Variants in GLMN observed in about 807,000 individuals in gnomAD.
GLMN encodes the protein glomulin.
GLMN carries 75 observed loss-of-function variants against 87.8 expected under a neutral mutation model. The observed-to-expected ratio is 0.85, with a 90% CI of 0.71 to 1.04. The LOEUF is 1.04. GLMN is among the 50% of genes least tolerant of loss of function. The pLI is 0.00. For missense variants in GLMN, 588 were observed against 658.8 expected (o/e 0.89, Z 1.18); for synonymous variants, 206 against 221.6 (o/e 0.93, Z 0.63).
At chr1:92,249,284 G>C (rs994003991) in intron 16 of GLMN, among the ~76,000 whole-genome samples, 1 of 82,086 alleles carries the variant, frequency 1.2e-5, no homozygotes, top group Non-Finnish European at 2.6e-5. Context: ...TTTTTTTTTT[G>C]CTTCTTTATG....
Position 92,247,216 on chromosome 1 carries a change from A to C in GLMN, c.1586-72T>G, listed in dbSNP as rs1652807570. On this transcript the variant is annotated intron_variant, in intron 17 of 18. Coordinates refer to ENST00000370360, the MANE Select transcript of GLMN (RefSeq NM_053274.3). ...AATAACAAAGGTATAAGCTACTTTC[A>C]TTCACTAACTTAAAACATGTCAGTT... The C allele has an allele frequency of 1.8e-5, 14 of 796,628 alleles. No homozygotes were observed. In the South Asian group the frequency reaches 1.9e-4, roughly 11 times the overall value. 49.3% of individuals were successfully genotyped at this position (796,628 alleles called of 1,614,324 possible).
chr1:92,295,383 T>C (rs1028096783), intron 3 of GLMN, among the ~76,000 whole-genome samples: 2 of 150,592 alleles, frequency 1.3e-5, no homozygotes, highest in Non-Finnish European at 3.0e-5. Context: ...CTCACAGATA[T>C]GTGTCTCAGA....
chr1:92,286,998 C>A (rs1293478140), intron 6 of GLMN, among the ~76,000 whole-genome samples: 1 of 152,306 alleles, frequency 6.6e-6, no homozygotes, highest in Non-Finnish European at 1.5e-5. Flanking sequence ...TATATCAGCA[C>A]AAATGGATTA....
the GLMN span, chr1:92,333,369 T>C: frequency 1.9e-6 from 3 of 1,580,890 alleles, no homozygotes; most frequent in Non-Finnish European, 2.6e-6. Context: ...TCTGTTTTGC[T>C]TTGTTTAAAA....
the GLMN span, among the ~76,000 whole-genome samples, chr1:92,341,586 G>A: frequency 1.3e-5 from 2 of 152,190 alleles, no homozygotes; most frequent in African/African-American, 4.8e-5. Flanking sequence ...TTTGGTGAAT[G>A]TATAAGTGAA....
intron 3 of GLMN, among the ~76,000 whole-genome samples, chr1:92,295,863 C>G (rs1429187012): frequency 6.6e-6 from 1 of 152,062 alleles, no homozygotes; most frequent in East Asian, 1.9e-4. Context: ...TGTAAACATG[C>G]AATAAATATT....
At chr1:92,304,033 C>T in the GLMN span, 1 of 1,613,176 alleles carries the variant, frequency 6.2e-7, no homozygotes, top group Admixed American at 1.7e-5. Context: ...GTTCTATTGT[C>T]AAACTCTGTG....
intron 15 of GLMN, 102 bp downstream of exon 15, chr1:92,263,521 A>T (rs1488836448): frequency 2.6e-6 from 2 of 770,026 alleles, no homozygotes; most frequent in African/African-American, 3.4e-5. Context: ...CATAGATCAT[A>T]AAATCACAGG....
rs549151077 is a variant in GLMN, at chr1:92,273,596, C to T, written c.736-1944G>A. 1.3e-4 allele frequency among the ~76,000 whole-genome samples: 20 copies of T among 151,822 alleles called. 1 individual carries two copies. The highest frequency in any genetic ancestry group is 1.8e-4 in the Non-Finnish European group (12 of 67,962). ...GAGTAGCTAGGACTACTGGTACATG[C>T]CACCATGCCCGCTATTTTTTTTTTA... On this transcript the variant is annotated intron_variant, in intron 7 of 18. Transcript: ENST00000370360.
At chr1:92,256,497 A>G (rs1654275116) in intron 16 of GLMN, among the ~76,000 whole-genome samples, 2 of 152,200 alleles carry the variant, frequency 1.3e-5, no homozygotes, top group African/African-American at 4.8e-5. Flanking sequence ...TCAATGCAAA[A>G]ATCCTTAATA....
chr1:92,301,575 G>A (rs143394900), upstream of GLMN: 2 of 1,468,246 alleles, frequency 1.4e-6, no homozygotes, highest in African/African-American at 1.4e-5. Flanking sequence ...TTACAGAAGA[G>A]TTCCTAATGG....
At chr1:92,250,462 T>A (rs12093905) in intron 16 of GLMN, among the ~76,000 whole-genome samples, 3,138 of 152,224 alleles carry the variant, frequency 0.021, 132 homozygotes, top group African/African-American at 0.071. Context: ...TTATCCTAAG[T>A]TTTTAGTATT....
the GLMN span, among the ~76,000 whole-genome samples, chr1:92,310,182 T>A: frequency 1.3e-5 from 2 of 152,354 alleles, no homozygotes; most frequent in East Asian, 3.9e-4. Context: ...CTTGTCAGTG[T>A]ATAACCATAT....
intron 7 of GLMN, among the ~76,000 whole-genome samples, chr1:92,281,807 A>C (rs1648095278): frequency 6.6e-6 from 1 of 152,124 alleles, no homozygotes; most frequent in South Asian, 2.1e-4. Flanking sequence ...AAAAAAAAAA[A>C]AGCAAGGGTT....
chr1:92,296,945 T>C (rs1380074501), intron 3 of GLMN, among the ~76,000 whole-genome samples: 1 of 152,210 alleles, frequency 6.6e-6, no homozygotes, highest in Non-Finnish European at 1.5e-5. Context: ...TGTAAATTAA[T>C]GACTCAAACA....
intron 3 of GLMN, among the ~76,000 whole-genome samples, chr1:92,294,154 C>A (rs1411476095): frequency 6.6e-6 from 1 of 151,968 alleles, no homozygotes; most frequent in Non-Finnish European, 1.5e-5. Flanking sequence ...GATGGATACC[C>A]CATTCTCTAT....
At chr1:92,370,356 G>T in the GLMN span, among the ~76,000 whole-genome samples, 1 of 152,144 alleles carries the variant, frequency 6.6e-6, no homozygotes, top group African/African-American at 2.4e-5. Context: ...TCCCAATAGG[G>T]AGTAGTCAGA....
At chr1:92,364,297 A>C in the GLMN span, among the ~76,000 whole-genome samples, 1 of 152,084 alleles carries the variant, frequency 6.6e-6, no homozygotes, top group African/African-American at 2.4e-5. Context: ...AGGTTTTGCT[A>C]GGTAGAAAAG....
chr1:92,368,328 G>A, the GLMN span, among the ~76,000 whole-genome samples: 3 of 152,052 alleles, frequency 2.0e-5, no homozygotes, highest in Admixed American at 6.6e-5. Context: ...GCAGTGAGCC[G>A]AGATCGTGCC....
Sources: allele counts gnomAD v4.1 joint callset (sites outside exome capture counted in the v4.1 genomes callset), GRCh38; gene constraint gnomAD v4.1.1; transcripts MANE v1.5; gene names NCBI Gene and HGNC (gene_info 2026-07-23, HGNC 2026-07-21).